The following DOCK8 variants were observed in gnomAD, a reference collection of about 807,000 sequenced individuals.
DOCK8 encodes the protein dedicator of cytokinesis 8.
DOCK8 carries 141 observed loss-of-function variants against 245.6 expected under a neutral mutation model. That is an observed-to-expected ratio of 0.57 (90% CI 0.50 to 0.66). The LOEUF (loss-of-function observed/expected upper bound fraction) is 0.66. Ranked by LOEUF, DOCK8 falls within the 30% of genes least tolerant of loss-of-function variation. The probability of loss-of-function intolerance (pLI) is 0.00; values close to 1 mark genes in which losing one functional copy is unlikely to be tolerated. For synonymous variants in DOCK8, 1,168 were observed against 970.2 expected (o/e 1.20, Z -3.79); for missense variants, 2,965 against 2,603.4 (o/e 1.14, Z -3.02).
At chr9:363,625 C>T (rs575935635) in intron 14 of DOCK8, among the ~76,000 whole-genome samples, 3 of 152,272 alleles carry the variant, frequency 2.0e-5, no homozygotes, top group African/African-American at 4.8e-5. Flanking sequence ...AAATTCCAGG[C>T]AAACTCATTT....
intron 5 of DOCK8, 96 bp from the exon 6 acceptor site, chr9:311,858 T>G (rs972408378): frequency 5.5e-6 from 8 of 1,464,668 alleles, no homozygotes; most frequent in Middle Eastern, 2.3e-4. Context: ...GATTCTGTAG[T>G]CCCAAATTGG....
At chr9:309,959 A>C (rs1266798692) in intron 5 of DOCK8, among the ~76,000 whole-genome samples, 2 of 152,204 alleles carry the variant, frequency 1.3e-5, no homozygotes, top group African/African-American at 4.8e-5. Flanking sequence ...TTTGTCACCC[A>C]GGCTGGATTG....
intron 28 of DOCK8, among the ~76,000 whole-genome samples, chr9:410,173 A>T (rs1053693639): frequency 1.3e-5 from 2 of 152,290 alleles, no homozygotes; most frequent in African/African-American, 4.8e-5. Context: ...TCCTAAGTGT[A>T]AAGTGCGATT....
Position 325,713 on chromosome 9 carries a change from C to G in DOCK8, c.870C>G (p.Leu290=), listed in dbSNP as rs201244929. 3.2e-5 allele frequency: 51 copies of G among 1,614,028 alleles called. No homozygotes were observed. The Middle Eastern group carries it at 4.0e-3, about 125-fold the overall frequency. The change falls in exon 8 of 48, where the codon CTC becomes CTG. Residue 290 remains leucine (L), a synonymous_variant. Coordinates refer to ENST00000432829, the MANE Select transcript of DOCK8 (RefSeq NM_203447.4). ...AGCCCCTGTTTGCCAGCATTGCCCT[C>G]TACGATGTTAAAGAAAGGAAAAAGG... ...EIEPLFASIA[L]YDVKERKKIS... is the part of the protein sequence containing the mutation.
chr9:434,469 GAGAA>G (rs1181814263), intron 38 of DOCK8, among the ~76,000 whole-genome samples: 1 of 152,050 alleles, frequency 6.6e-6, no homozygotes, highest in East Asian at 1.9e-4. Context: ...TTTATTTTGA[GAGAA>G]AGGAAAGAAA....
intron 4 of DOCK8, among the ~76,000 whole-genome samples, chr9:294,774 A>G (rs111287814): frequency 1.4e-4 from 21 of 152,362 alleles, no homozygotes; most frequent in African/African-American, 4.3e-4. Flanking sequence ...GTAAATCCAT[A>G]CAATGGAATA....
chr9:398,239 G>C (rs529392302), intron 25 of DOCK8, among the ~76,000 whole-genome samples: 1 of 152,284 alleles, frequency 6.6e-6, no homozygotes, highest in East Asian at 1.9e-4. Context: ...ACTGAGTCAC[G>C]TAAGGCACCC....
At chr9:419,537 G>C (rs898738918) in intron 30 of DOCK8, among the ~76,000 whole-genome samples, 6 of 152,100 alleles carry the variant, frequency 3.9e-5, no homozygotes, top group Non-Finnish European at 8.8e-5. Flanking sequence ...CTTTATTCTT[G>C]TCAACAAACT....
chr9:378,098 A>G (rs1217742574), intron 20 of DOCK8, among the ~76,000 whole-genome samples: 1 of 152,224 alleles, frequency 6.6e-6, no homozygotes, highest in Non-Finnish European at 1.5e-5. Flanking sequence ...CTCAGACCTC[A>G]GAGGACTTAT....
At position 464,602 on chromosome 9, in the gene DOCK8, A is replaced by G. The variant is rs566448657; in HGVS notation, c.*383A>G. On this transcript the variant is annotated 3_prime_UTR_variant, in exon 48 of 48. Coordinates refer to ENST00000432829, the MANE Select transcript of DOCK8 (RefSeq NM_203447.4). ...TGGAGTAACTCAAATTGCCTGAGGA[A>G]AAATGGAAAAATTATCCACCAGTCG... is the stretch of plus-strand genomic sequence containing the variant. 4 of 267,286 alleles carry G rather than the reference A, an allele frequency of 1.5e-5. No individual in the cohort carries two copies. The highest frequency in any genetic ancestry group is 2.8e-3 in the Middle Eastern group (2 of 720). 16.6% of individuals were successfully genotyped at this position (267,286 alleles called of 1,614,324 possible). A position where few individuals can be genotyped will look rare whatever the true frequency, so the allele number is the denominator to read the frequency against.
At chr9:425,626 C>T (rs1487880165) in intron 33 of DOCK8, among the ~76,000 whole-genome samples, 1 of 151,142 alleles carries the variant, frequency 6.6e-6, no homozygotes, top group Admixed American at 6.6e-5. Flanking sequence ...AATTTGATGG[C>T]TCATGCCTGT....
chr9:233,317 C>T (rs1043929636), intron 1 of DOCK8, among the ~76,000 whole-genome samples: 21 of 152,024 alleles, frequency 1.4e-4, no homozygotes, highest in Non-Finnish European at 2.6e-4. Context: ...TTACTGCCAA[C>T]TATGTGGTCA....
intron 6 of DOCK8, chr9:312,528 GAGACATA>G: frequency 7.1e-6 from 3 of 421,874 alleles, no homozygotes; most frequent in Non-Finnish European, 1.4e-5. Flanking sequence ...CTAATCCATT[GAGACATA>G]CATTACTTAA....
chr9:451,943 A>ATATGTG (rs1554711607), intron 45 of DOCK8, 68 bp from the exon 46 acceptor site: 6 of 305,262 alleles, frequency 2.0e-5, no homozygotes, highest in African/African-American at 1.1e-4. Context: ...GTATATATAT[A>ATATGTG]TGTGTGTGTG....
intron 15 of DOCK8, 63 bp downstream of exon 15, chr9:368,198 A>G (rs767965670): frequency 4.8e-5 from 65 of 1,347,616 alleles, no homozygotes; most frequent in South Asian, 4.0e-4. Context: ...GTCACTTCAC[A>G]CAAGTCCGGG....
chr9:220,041 G>A (rs555800653), intron 1 of DOCK8, among the ~76,000 whole-genome samples: 1 of 152,344 alleles, frequency 6.6e-6, no homozygotes, highest in African/African-American at 2.4e-5. Context: ...GTATAGATGT[G>A]TATCTGCAGT....
At chr9:389,826 G>C (rs1236462040) in intron 23 of DOCK8, among the ~76,000 whole-genome samples, 7 of 151,772 alleles carry the variant, frequency 4.6e-5, no homozygotes, top group Admixed American at 4.6e-4. Flanking sequence ...GACTAAGTGG[G>C]CAGCATGGCG....
At chr9:409,563 A>G (rs1204141358) in intron 28 of DOCK8, among the ~76,000 whole-genome samples, 2 of 152,160 alleles carry the variant, frequency 1.3e-5, no homozygotes, top group Non-Finnish European at 2.9e-5. Context: ...ATATGTATAT[A>G]TTTTTTAAAT....
At chr9:358,092 A>T (rs886372536) in intron 14 of DOCK8, among the ~76,000 whole-genome samples, 1 of 151,922 alleles carries the variant, frequency 6.6e-6, no homozygotes, top group Admixed American at 6.6e-5. Context: ...TTATTTACTT[A>T]CTTATTTCTT....
Sources: allele counts gnomAD v4.1 joint callset (sites outside exome capture counted in the v4.1 genomes callset), GRCh38; gene constraint gnomAD v4.1.1; transcripts MANE v1.5; gene names NCBI Gene and HGNC (gene_info 2026-07-23, HGNC 2026-07-21).